Variants in CLSTN3 observed in about 807,000 individuals in gnomAD.
The protein encoded by CLSTN3 is calsyntenin 3, also known as calsyntenin-3.
CLSTN3 carries 36 observed loss-of-function variants against 95.9 expected under a neutral mutation model. The observed-to-expected ratio is 0.38, with a 90% confidence interval of 0.29 to 0.50. The LOEUF (loss-of-function observed/expected upper bound fraction) is 0.50, where lower values mean the gene tolerates loss of function less well. Among genes scored for constraint, CLSTN3 ranks in the 20% least tolerant of loss-of-function variants. The pLI is 0.95. For missense variants in CLSTN3, 1,084 were observed against 1,268.8 expected (o/e 0.85, Z 2.21); for synonymous variants, 481 against 504.0 (o/e 0.95, Z 0.61).
chr12:7,131,520 G>A (rs1443063271), intron 1 of CLSTN3, among the ~76,000 whole-genome samples: 1 of 152,098 alleles, frequency 6.6e-6, no homozygotes, highest in Admixed American at 6.6e-5. Context: ...AGAAAAAAGA[G>A]GGAGGAATGA....
At chr12:7,142,765 T>C in intron 10 of CLSTN3, 104 bp from the exon 11 acceptor site, 2 of 825,992 alleles carry the variant, frequency 2.4e-6, no homozygotes, top group Non-Finnish European at 3.7e-6. Context: ...TTTTTCTTTC[T>C]CAACTCTTCT....
chr12:7,138,273 T>TAAGAAAAAAAAAAA (rs1939464985), intron 8 of CLSTN3, among the ~76,000 whole-genome samples: 1 of 147,984 alleles, frequency 6.8e-6, no homozygotes, highest in African/African-American at 2.5e-5. Flanking sequence ...CTTCTGGATT[T>TAAGAAAAAAAAAAA]AAAAAAAAAA....
chr12:7,149,437 G>A lies in CLSTN3; in HGVS notation c.2075-86G>A. The A allele has an allele frequency of 7.8e-7, 1 of 1,282,294 alleles. No homozygotes were observed. The highest frequency in any genetic ancestry group is 1.1e-6 in the Non-Finnish European group (1 of 908,552). 79.4% of individuals were successfully genotyped at this position (1,282,294 alleles called of 1,614,324 possible). On this transcript the variant is annotated intron_variant, in intron 13 of 17. Coordinates refer to ENST00000266546, the MANE Select transcript of CLSTN3 (RefSeq NM_014718.4). This position sits in a 1 kb window ranked among gnomAD's most constrained non-coding sequence, Gnocchi z 4.5. ...CCTCTCCCTGGCCCTGGAAAGGGAG[G>A]GAGAGTGGTGATGAGGGCATGGTTG... is the stretch of plus-strand genomic sequence containing the variant.
Position 7,130,415 on chromosome 12 carries a change from G to T in CLSTN3, c.-234G>T. 1 of 1,434,560 alleles carries T rather than the reference G, an allele frequency of 7.0e-7. No homozygotes were observed. The highest frequency in any genetic ancestry group is 9.1e-7 in the Non-Finnish European group (1 of 1,094,342). 88.9% of individuals were successfully genotyped at this position (1,434,560 alleles called of 1,614,324 possible). ...GGGGTGGGAGTGAGAGAGTGAGGAC[G>T]CTGGGCTGGGGGAAACGGGAAGCCG... On this transcript the variant is annotated 5_prime_UTR_variant, in exon 1 of 18. Coordinates refer to ENST00000266546, the MANE Select transcript of CLSTN3 (RefSeq NM_014718.4).
chr12:7,132,725 C>T (rs1458096634), intron 1 of CLSTN3: 5 of 590,020 alleles, frequency 8.5e-6, no homozygotes, highest in African/African-American at 3.7e-5. Context: ...ACATTCTCCA[C>T]TTCCTGACCA....
chr12:7,132,585 T>G, intron 1 of CLSTN3: 1 of 343,180 alleles, frequency 2.9e-6, no homozygotes. Flanking sequence ...CTCAGGAAAC[T>G]TCTAGATCTT....
intron 10 of CLSTN3, among the ~76,000 whole-genome samples, 172 bp from the exon 11 acceptor site, chr12:7,142,697 A>C (rs1008749781): frequency 0.016 from 1,386 of 87,180 alleles, no homozygotes; most frequent in Admixed American, 0.025. Context: ...CTTCTCCCTC[A>C]CCTCTCATCT....
chr12:7,142,897 C>T lies in CLSTN3; in HGVS notation c.1569C>T (p.Phe523=), dbSNP rs1467134380. ...ACCCTTTGTCGATCCACCACTACTT[C>T]CATGGCTACCTGGCTGGTTTCAGCG... ...QGDPLSIHHY[F]HGYLAGFSVR... Residue 523 remains phenylalanine, a synonymous_variant, in exon 11 of 18, where the codon TTC becomes TTT. Transcript: ENST00000266546. 3 of 1,614,064 alleles carry T rather than the reference C, an allele frequency of 1.9e-6. No homozygotes were observed. In the Admixed American group the frequency reaches 5.0e-5, roughly 27 times the overall value.
chr12:7,131,478 A>G, intron 1 of CLSTN3: 1 of 278,190 alleles, frequency 3.6e-6, no homozygotes, highest in Non-Finnish European at 7.2e-6. Flanking sequence ...GGAGGGGGTA[A>G]GGAGGGGATG....
chr12:7,136,882 T>G lies in CLSTN3; in HGVS notation c.982T>G (p.Trp328Gly). 2 of 1,614,002 alleles carry G rather than the reference T, an allele frequency of 1.2e-6. No homozygotes were observed. The highest frequency in any genetic ancestry group is 1.7e-6 in the Non-Finnish European group (2 of 1,179,992). The change falls in exon 7 of 18, where the codon TGG becomes GGG. Residue 328 changes from tryptophan (W) to glycine (G), a missense_variant. Transcript: ENST00000266546. ...LLPMPGPNAN[W>G]TAGLSVHYSQ... ...GCCCATGCCTGGCCCCAATGCCAAC[T>G]GGACAGCAGGACTCTCGGTGCACTA...
intron 16 of CLSTN3, among the ~76,000 whole-genome samples, chr12:7,153,087 C>CTTATT (rs369624390): frequency 3.4e-4 from 52 of 152,296 alleles, no homozygotes; most frequent in African/African-American, 1.0e-3. Flanking sequence ...TACACTGTCT[C>CTTATT]TTATTTTATT....
upstream of CLSTN3, chr12:7,130,320 CA>C: frequency 9.8e-7 from 1 of 1,024,772 alleles, no homozygotes. Context: ...CCCTCCCAGT[CA>C]CCTGATTGGC....
intron 8 of CLSTN3, among the ~76,000 whole-genome samples, chr12:7,139,680 C>T (rs576507004): frequency 8.6e-5 from 13 of 150,948 alleles, no homozygotes; most frequent in Non-Finnish European, 1.9e-4. Flanking sequence ...GATGGAGTCT[C>T]ACTCTGTCAC....
At chr12:7,144,206 C>G (rs905879730) in intron 12 of CLSTN3, among the ~76,000 whole-genome samples, 8 of 141,206 alleles carry the variant, frequency 5.7e-5, no homozygotes, top group Non-Finnish European at 1.2e-4. Flanking sequence ...GCACTCCAGC[C>G]TGGGCTACAA....
chr12:7,132,979 C>T, intron 1 of CLSTN3, 45 bp from the exon 2 acceptor site: 1 of 1,611,240 alleles, frequency 6.2e-7, no homozygotes, highest in Non-Finnish European at 8.5e-7. Context: ...GGAGTAGAGG[C>T]CCTGCTCACA....
chr12:7,129,506 A>G (rs1939238223), upstream of CLSTN3: 1 of 547,198 alleles, frequency 1.8e-6, no homozygotes, highest in Non-Finnish European at 2.3e-6. This position sits in a 1 kb window ranked among gnomAD's most constrained non-coding sequence, Gnocchi z 5.5. Context: ...GCCTGAGAGG[A>G]GTTTGTTGGC....
Position 7,150,958 on chromosome 12 carries a change from G to A in CLSTN3, c.2422G>A (p.Ala808Thr), listed in dbSNP as rs766297715. The A allele has an allele frequency of 7.5e-6, 12 of 1,610,628 alleles. No individual in the cohort carries two copies. The African/African-American group carries it at 1.5e-4, about 20-fold the overall frequency. Residue 808 changes from alanine to threonine, a missense_variant, in exon 16 of 18, where the codon GCC becomes ACC. Coordinates refer to ENST00000266546, the MANE Select transcript of CLSTN3 (RefSeq NM_014718.4). This position sits in a 1 kb window ranked among gnomAD's most constrained non-coding sequence, Gnocchi z 4.0. ...TGTCCTGCACAGCATGAACCGGGTT[G>A]CCCACCCCAGCCACGTGCTCAGCTC... The part of the protein sequence containing the change: ...VNVLHSMNRV[A>T]HPSHVLSSQQ...
rs758979474 is a variant in CLSTN3, at chr12:7,149,572, T to C, written c.2124T>C (p.Cys708=). 1 of 1,613,936 alleles carries C rather than the reference T, an allele frequency of 6.2e-7. No homozygotes were observed. Among genetic ancestry groups the C allele is most frequent in the Non-Finnish European group, 8.5e-7 (1 of 1,179,854 alleles). ...AGATTGTGCACAACCTGGATGGCTG[T>C]GAAATTTCTCTGGTGGGGGATGACC... ...SDEIVHNLDG[C]EISLVGDDLD... Residue 708 remains cysteine (C), a synonymous_variant, in exon 14 of 18, where the codon TGT becomes TGC. Coordinates refer to ENST00000266546, the MANE Select transcript of CLSTN3 (RefSeq NM_014718.4). This position sits in a 1 kb window ranked among gnomAD's most constrained non-coding sequence, Gnocchi z 4.5.
chr12:7,149,616 G>A lies in CLSTN3; in HGVS notation c.2168G>A (p.Ser723Asn), dbSNP rs773077761. ...VGDDLDPERE[S>N]LLLDTTSLQQ... ...GATGACCTGGATCCCGAGCGGGAAA[G>A]CCTGCTCCTGGACACAACCTCTCTG... The change falls in exon 14 of 18, where the codon AGC (serine) becomes AAC (asparagine). Residue 723 changes from serine to asparagine, a missense_variant. Transcript: ENST00000266546. The surrounding 1 kb of genome is among the most constrained non-coding windows in gnomAD (Gnocchi z 4.5). 2 of 1,614,068 alleles carry A rather than the reference G, an allele frequency of 1.2e-6. No homozygotes were observed. Among genetic ancestry groups the A allele is most frequent in the East Asian group, 2.2e-5 (1 of 44,882 alleles).
Sources: gnomAD v4.1 joint callset for allele counts (sites outside exome capture counted in the v4.1 genomes callset) on GRCh38, gnomAD v4.1.1 for gene constraint, Gnocchi (gnomAD v3.1) non-coding constraint, MANE v1.5 for transcripts, NCBI Gene and HGNC (gene_info 2026-07-23, HGNC 2026-07-21) for gene names.